Variants in SEMA6D observed in about 807,000 individuals in gnomAD.
The protein encoded by SEMA6D is semaphorin-6D.
Under a neutral mutation model 106.6 loss-of-function variants are expected in SEMA6D, and 35 were observed. The observed-to-expected ratio is 0.33, with a 90% CI of 0.25 to 0.44. The LOEUF is 0.44. Among genes scored for constraint, SEMA6D ranks in the 20% least tolerant of loss-of-function variants. The pLI is 1.00. For synonymous variants in SEMA6D, 499 were observed against 487.7 expected (o/e 1.02, Z -0.31); for missense variants, 1,185 against 1,345.9 (o/e 0.88, Z 1.87).
At position 47,763,865 on chromosome 15, in the gene SEMA6D, G is replaced by A. The variant is rs369660405; in HGVS notation, c.763G>A (p.Val255Met). The A allele has an allele frequency of 8.1e-6, 13 of 1,613,004 alleles. No homozygotes were observed. The highest frequency in any genetic ancestry group is 1.9e-4 in the Middle Eastern group (1 of 5,402). The change falls in exon 10 of 19, where the codon GTG becomes ATG. Residue 255 changes from valine (V) to methionine (M), a missense_variant. Transcript: ENST00000536845. ...NNLGKAVYSR[V>M]ARICKNDMGG... is the part of the protein sequence containing the mutation. ...CGTTGGGCAGGCTGTGTATTCCCGCGTGGCCCGCATATGTAAAAACGACAT... is the reference window on the plus strand; with the variant it reads ...CGTTGGGCAGGCTGTGTATTCCCGCATGGCCCGCATATGTAAAAACGACAT...
chr15:47,325,255 C>A (rs1016984931), intron 1 of SEMA6D, among the ~76,000 whole-genome samples: 7 of 151,880 alleles, frequency 4.6e-5, no homozygotes, highest in Non-Finnish European at 1.0e-4. Context: ...CTCACTGCAA[C>A]CTCCACCTCC....
chr15:47,306,908 G>C (rs530487327), intron 1 of SEMA6D, among the ~76,000 whole-genome samples: 2 of 152,282 alleles, frequency 1.3e-5, no homozygotes, highest in South Asian at 2.1e-4. Flanking sequence ...GAAAAATGAT[G>C]TTTTTTGACA....
At chr15:47,590,000 A>G (rs1304119810) in intron 3 of SEMA6D, among the ~76,000 whole-genome samples, 3 of 152,190 alleles carry the variant, frequency 2.0e-5, no homozygotes, top group African/African-American at 7.2e-5. Flanking sequence ...GTTTTCCTCC[A>G]AAAGATATGT....
At chr15:47,507,149 C>G (rs1030975264) in intron 3 of SEMA6D, among the ~76,000 whole-genome samples, 1 of 152,188 alleles carries the variant, frequency 6.6e-6, no homozygotes, top group African/African-American at 2.4e-5. Context: ...TGTCTTCCTC[C>G]TTTCCACTGA....
intron 3 of SEMA6D, among the ~76,000 whole-genome samples, chr15:47,472,533 G>A (rs964370575): frequency 2.6e-5 from 4 of 152,090 alleles, no homozygotes; most frequent in Non-Finnish European, 5.9e-5. Flanking sequence ...AGGAACATGG[G>A]GCTTTGTGGC....
At chr15:47,384,260 G>GA (rs35889644) in intron 1 of SEMA6D, among the ~76,000 whole-genome samples, 4 of 151,972 alleles carry the variant, frequency 2.6e-5, no homozygotes, top group Non-Finnish European at 5.9e-5. Flanking sequence ...AACAGATTTG[G>GA]AAAAAAAGGG....
intron 2 of SEMA6D, among the ~76,000 whole-genome samples, chr15:47,433,523 A>C (rs1006787465): frequency 2.0e-5 from 3 of 152,110 alleles, no homozygotes; most frequent in African/African-American, 7.2e-5. Flanking sequence ...GATTTCAATA[A>C]AAATTGACCC....
chr15:47,598,929 T>C (rs1376972484), intron 3 of SEMA6D, among the ~76,000 whole-genome samples: 1 of 152,102 alleles, frequency 6.6e-6, no homozygotes, highest in Non-Finnish European at 1.5e-5. Context: ...TAAAACACCT[T>C]TCCACTCAAG....
intron 1 of SEMA6D, among the ~76,000 whole-genome samples, chr15:47,200,755 A>G (rs1894670155): frequency 6.6e-6 from 1 of 152,248 alleles, no homozygotes; most frequent in South Asian, 2.1e-4. Context: ...TTGCCCTACA[A>G]ACATCATATG....
chr15:47,483,557 A>G (rs1322364475), intron 3 of SEMA6D, among the ~76,000 whole-genome samples: 2 of 152,168 alleles, frequency 1.3e-5, no homozygotes, highest in East Asian at 1.9e-4. Context: ...AGTCAGGTTT[A>G]TAGTCCATTC....
At chr15:47,615,481 G>T (rs1158619156) in intron 4 of SEMA6D, among the ~76,000 whole-genome samples, 1 of 152,092 alleles carries the variant, frequency 6.6e-6, no homozygotes, top group East Asian at 1.9e-4. Flanking sequence ...TAAAAATTAA[G>T]GCTTCATTTA....
chr15:47,184,687 G>A (rs8024007), intron 1 of SEMA6D, among the ~76,000 whole-genome samples: 41,349 of 152,032 alleles, frequency 0.27, 5,956 homozygotes, highest in Non-Finnish European at 0.32. Context: ...GCCCGATCCC[G>A]GAGCTGTGCC....
chr15:47,547,524 A>G (rs1193482685), intron 3 of SEMA6D, among the ~76,000 whole-genome samples: 1 of 152,166 alleles, frequency 6.6e-6, no homozygotes, highest in Admixed American at 6.5e-5. Flanking sequence ...TCCTGTTTCT[A>G]TGCTATATTG....
chr15:47,684,866 T>C (rs2078435840), intron 4 of SEMA6D, among the ~76,000 whole-genome samples: 1 of 152,218 alleles, frequency 6.6e-6, no homozygotes, highest in Admixed American at 6.5e-5. Flanking sequence ...TGAACTGATT[T>C]GGAAATATTC....
chr15:47,374,057 A>G (rs753843247), intron 1 of SEMA6D, among the ~76,000 whole-genome samples: 1 of 152,222 alleles, frequency 6.6e-6, no homozygotes, highest in Non-Finnish European at 1.5e-5. Flanking sequence ...TTGGACATGC[A>G]CTAGGGCAAA....
chr15:47,622,658 A>G (rs1053334453), intron 4 of SEMA6D, among the ~76,000 whole-genome samples: 5 of 152,190 alleles, frequency 3.3e-5, no homozygotes, highest in African/African-American at 1.2e-4. Context: ...GTTGCAGGAC[A>G]GGAAAGGAGA....
At chr15:47,262,189 CACAA>C (rs1441609448) in intron 1 of SEMA6D, among the ~76,000 whole-genome samples, 1 of 151,992 alleles carries the variant, frequency 6.6e-6, no homozygotes, top group Non-Finnish European at 1.5e-5. Flanking sequence ...TCAGAGATGA[CACAA>C]ACAAATGGAA....
intron 1 of SEMA6D, among the ~76,000 whole-genome samples, chr15:47,385,851 A>T (rs557552701): frequency 6.6e-6 from 1 of 152,326 alleles, no homozygotes; most frequent in African/African-American, 2.4e-5. Flanking sequence ...CCTAGCACTT[A>T]TTATGTTAGC....
chr15:47,554,330 G>C (rs2045854604), intron 3 of SEMA6D, among the ~76,000 whole-genome samples: 1 of 152,196 alleles, frequency 6.6e-6, no homozygotes, highest in South Asian at 2.1e-4. Context: ...CACTGTAGCT[G>C]CTTAGCCTGG....
Sources: gnomAD v4.1 joint callset for allele counts (sites outside exome capture counted in the v4.1 genomes callset) on GRCh38, gnomAD v4.1.1 for gene constraint, MANE v1.5 for transcripts, NCBI Gene and HGNC (gene_info 2026-07-23, HGNC 2026-07-21) for gene names.